Variants in DLGAP2 observed in about 807,000 individuals in gnomAD.
The protein encoded by DLGAP2 is disks large-associated protein 2.
In DLGAP2, 26 loss-of-function variants were observed where a neutral mutation model predicts 100.3. The observed-to-expected ratio is 0.26, with a 90% CI of 0.19 to 0.36. The LOEUF (loss-of-function observed/expected upper bound fraction) is 0.36, where lower values mean the gene tolerates loss of function less well. DLGAP2 is among the 10% of genes least tolerant of loss of function. The pLI, the probability that DLGAP2 is intolerant of heterozygous loss-of-function variation, is 1.00. For missense variants in DLGAP2, 1,858 were observed against 1,453.2 expected, an observed-to-expected ratio of 1.28 and a Z score of -4.53; for synonymous variants, 886 against 630.1, an observed-to-expected ratio of 1.41 and a Z score of -6.08.
chr8:1,440,953 AG>A (rs1797812481), intron 3 of DLGAP2, among the ~76,000 whole-genome samples: 1 of 152,224 alleles, frequency 6.6e-6, no homozygotes, highest in Non-Finnish European at 1.5e-5. Flanking sequence ...TTAATGCAAA[AG>A]CACGTAAGTC....
intron 3 of DLGAP2, among the ~76,000 whole-genome samples, chr8:1,378,822 C>T (rs920326202): frequency 1.3e-5 from 2 of 152,202 alleles, no homozygotes; most frequent in African/African-American, 2.4e-5. Context: ...TCTTTCAAAT[C>T]CTGATTCTCT....
intron 2 of DLGAP2, among the ~76,000 whole-genome samples, chr8:1,000,650 C>T (rs550923919): frequency 6.6e-6 from 1 of 152,342 alleles, no homozygotes; most frequent in South Asian, 2.1e-4. Context: ...TACTTTTCCT[C>T]TTGGTTATGA....
intron 3 of DLGAP2, among the ~76,000 whole-genome samples, chr8:1,491,397 T>TCGGAGGCTTCAGGCTGCTTCCCCGATCC (rs56365838): frequency 6.7e-6 from 1 of 149,474 alleles, no homozygotes; most frequent in Admixed American, 6.6e-5. Context: ...CCCCCTGACC[T>TCGGAGGCTTCAGGCTGCTTCCCCGATCC]CGGAGGCTTC....
intron 3 of DLGAP2, among the ~76,000 whole-genome samples, chr8:1,499,812 A>T (rs569887339): frequency 6.6e-6 from 1 of 152,382 alleles, no homozygotes; most frequent in East Asian, 1.9e-4. Context: ...AGCATCTCAC[A>T]TTCCAAATCT....
chr8:846,366 G>T (rs1434157903), intron 1 of DLGAP2, among the ~76,000 whole-genome samples: 1 of 152,158 alleles, frequency 6.6e-6, no homozygotes, highest in Non-Finnish European at 1.5e-5. Flanking sequence ...CTGAGATTCT[G>T]CACGTGAGTG....
At chr8:947,158 C>T (rs151197613) in intron 2 of DLGAP2, among the ~76,000 whole-genome samples, 3 of 152,266 alleles carry the variant, frequency 2.0e-5, no homozygotes, top group South Asian at 2.1e-4. Flanking sequence ...ACACAGCAGC[C>T]GAGTCATGCT....
At chr8:1,444,692 T>G (rs191875311) in intron 3 of DLGAP2, among the ~76,000 whole-genome samples, 2 of 152,032 alleles carry the variant, frequency 1.3e-5, no homozygotes, top group East Asian at 3.9e-4. Flanking sequence ...TGTCACCATC[T>G]GCAGTCCCCT....
chr8:794,724 G>C (rs1295246229), intron 1 of DLGAP2, among the ~76,000 whole-genome samples: 1 of 152,178 alleles, frequency 6.6e-6, no homozygotes, highest in African/African-American at 2.4e-5. Context: ...TTTGTTTATG[G>C]CCAGTTTTGG....
Position 1,167,129 on chromosome 8 carries a change from C to G in DLGAP2, c.74-91722C>G, listed in dbSNP as rs758112705. Among the ~76,000 whole-genome samples, 8 of 152,080 alleles carry G rather than the reference C, an allele frequency of 5.3e-5. No homozygotes were observed. The South Asian group carries it at 1.2e-3, about 24-fold the overall frequency. On this transcript the variant is annotated intron_variant, in intron 2 of 14. Transcript: ENST00000637795. ...CTAGCCTGGGCAACTGATCAAGGCA[C>G]TGTCTCTAAAAGAAGAAAAAGAAAA...
chr8:1,236,280 C>G (rs551359404), intron 2 of DLGAP2, among the ~76,000 whole-genome samples: 1 of 56,042 alleles, frequency 1.8e-5, no homozygotes, highest in Non-Finnish European at 3.8e-5. Flanking sequence ...TTCTAGTTCT[C>G]TCACATGGCG....
intron 2 of DLGAP2, among the ~76,000 whole-genome samples, chr8:1,140,555 G>T (rs904918429): frequency 6.6e-6 from 1 of 152,074 alleles, no homozygotes; most frequent in African/African-American, 2.4e-5. Flanking sequence ...GCCGGGCTGG[G>T]AGCTGACTTA....
intron 3 of DLGAP2, among the ~76,000 whole-genome samples, chr8:1,287,502 GTT>G: frequency 7.8e-5 from 1 of 12,800 alleles, no homozygotes; most frequent in Non-Finnish European, 1.4e-4. Flanking sequence ...GTGTGGTTCT[GTT>G]AGGAGGGGAA....
chr8:1,127,436 G>A (rs547807259), intron 2 of DLGAP2, among the ~76,000 whole-genome samples: 3 of 152,160 alleles, frequency 2.0e-5, no homozygotes, highest in Non-Finnish European at 2.9e-5. Context: ...AGGCCCCTTC[G>A]TGTGTGGAGG....
intron 4 of DLGAP2, among the ~76,000 whole-genome samples, chr8:1,543,879 G>C (rs1801445392): frequency 6.6e-6 from 1 of 151,886 alleles, no homozygotes; most frequent in Admixed American, 6.6e-5. Context: ...CTAGTTTTCA[G>C]TGTACGAATC....
Position 1,668,641 on chromosome 8 carries a change from A to C in DLGAP2, c.2123A>C (p.Glu708Ala). 2 of 1,588,530 alleles carry C rather than the reference A, an allele frequency of 1.3e-6. No individual in the cohort carries two copies. The highest frequency in any genetic ancestry group is 1.7e-6 in the Non-Finnish European group (2 of 1,167,692). Residue 708 changes from glutamate to alanine, a missense_variant, in exon 9 of 15, where the codon GAG becomes GCG. Coordinates refer to ENST00000637795, the MANE Select transcript of DLGAP2 (RefSeq NM_001346810.2). ...GCCATCCTGGTGTCCAAGGCGGAGGAGCTCCTCAAGAGCCGCTGCTCCTCC... is the reference window on the plus strand; with the variant it reads ...GCCATCCTGGTGTCCAAGGCGGAGGCGCTCCTCAAGAGCCGCTGCTCCTCC... ...DKAILVSKAEELLKSRCSSIG... is the reference protein window; with the variant it reads ...DKAILVSKAEALLKSRCSSIG...
At chr8:1,238,229 T>C in intron 2 of DLGAP2, among the ~76,000 whole-genome samples, 1 of 55,046 alleles carries the variant, frequency 1.8e-5, no homozygotes, top group Non-Finnish European at 3.5e-5. Flanking sequence ...CGTGTCTAGT[T>C]CTCTCACATG....
intron 1 of DLGAP2, among the ~76,000 whole-genome samples, chr8:868,702 G>A (rs1006614088): frequency 6.6e-6 from 1 of 152,186 alleles, no homozygotes; most frequent in Admixed American, 6.5e-5. Context: ...GCTTTGGTGT[G>A]TCTGAGGCGT....
chr8:1,631,280 A>G (rs1797638475), intron 7 of DLGAP2, among the ~76,000 whole-genome samples: 1 of 151,992 alleles, frequency 6.6e-6, no homozygotes, highest in African/African-American at 2.4e-5. Context: ...TCTCTTCTTT[A>G]GGAGCGAGGG....
intron 2 of DLGAP2, among the ~76,000 whole-genome samples, chr8:1,103,384 G>A (rs943184154): frequency 1.3e-5 from 2 of 151,830 alleles, no homozygotes; most frequent in African/African-American, 2.4e-5. Flanking sequence ...CTTGGTTAAC[G>A]GTGACGACTG....
Sources: gnomAD v4.1 joint callset for allele counts (sites outside exome capture counted in the v4.1 genomes callset) on GRCh38, gnomAD v4.1.1 for gene constraint, MANE v1.5 for transcripts, NCBI Gene and HGNC (gene_info 2026-07-23, HGNC 2026-07-21) for gene names.